The following NRG2 variants were observed in gnomAD, a reference collection of about 807,000 sequenced individuals.
NRG2 encodes neuregulin 2.
NRG2 carries 27 observed loss-of-function variants against 73.9 expected under a neutral mutation model. That is an observed-to-expected ratio of 0.37 (90% CI 0.27 to 0.50). NRG2 has a LOEUF of 0.50. NRG2 is among the 20% of genes least tolerant of loss of function. The probability of loss-of-function intolerance (pLI) is 0.96; values close to 1 mark genes in which losing one functional copy is unlikely to be tolerated. For missense variants in NRG2, 1,126 were observed against 1,210.1 expected (o/e 0.93, Z 1.03); for synonymous variants, 532 against 541.0 (o/e 0.98, Z 0.23).
intron 1 of NRG2, among the ~76,000 whole-genome samples, chr5:139,925,501 A>G (rs1431616081): frequency 6.6e-6 from 1 of 152,224 alleles, no homozygotes; most frequent in African/African-American, 2.4e-5. Flanking sequence ...AAAGGCTCAG[A>G]AGGGGAAGCT....
intron 1 of NRG2, among the ~76,000 whole-genome samples, chr5:139,947,143 A>G (rs1257294764): frequency 6.6e-6 from 1 of 152,170 alleles, no homozygotes; most frequent in Non-Finnish European, 1.5e-5. Flanking sequence ...CAATTCAATG[A>G]TTTTTAAATA....
intron 5 of NRG2, among the ~76,000 whole-genome samples, chr5:139,860,280 G>T (rs777322257): frequency 3.9e-5 from 6 of 152,142 alleles, no homozygotes; most frequent in Non-Finnish European, 5.9e-5. Context: ...GAGCCCCCCT[G>T]CTCCTCCCAG....
chr5:140,004,048 A>G (rs1758700904), intron 1 of NRG2, among the ~76,000 whole-genome samples: 1 of 152,180 alleles, frequency 6.6e-6, no homozygotes, highest in Non-Finnish European at 1.5e-5. Context: ...GTTCTGTAAC[A>G]TGTTAATATT....
At chr5:139,945,091 T>TA (rs772047242) in intron 1 of NRG2, among the ~76,000 whole-genome samples, 49 of 152,160 alleles carry the variant, frequency 3.2e-4, no homozygotes, top group Non-Finnish European at 5.0e-4. Flanking sequence ...GCCCATTTTT[T>TA]AATCGAACTG....
intron 1 of NRG2, among the ~76,000 whole-genome samples, chr5:139,926,464 C>G (rs1752069329): frequency 6.6e-6 from 1 of 152,034 alleles, no homozygotes; most frequent in South Asian, 2.1e-4. Flanking sequence ...GCCAAGGTAG[C>G]CACCCCTTTC....
intron 1 of NRG2, among the ~76,000 whole-genome samples, chr5:139,974,292 T>G (rs1236129624): frequency 6.6e-6 from 1 of 151,288 alleles, no homozygotes; most frequent in South Asian, 2.1e-4. Context: ...GGATCCAAGA[T>G]TTCCCCCTTT....
At chr5:139,914,703 C>G (rs1751118747) in intron 1 of NRG2, among the ~76,000 whole-genome samples, 1 of 152,218 alleles carries the variant, frequency 6.6e-6, no homozygotes, top group Non-Finnish European at 1.5e-5. Flanking sequence ...AGCTGCATTT[C>G]TGCATATTTA....
Position 140,038,005 on chromosome 5 carries a change from A to C in NRG2, c.700+4365T>G, listed in dbSNP as rs571371558. Among the ~76,000 whole-genome samples the C allele has an allele frequency of 2.6e-5, 4 of 152,012 alleles. No individual in the cohort carries two copies. In the East Asian group the frequency reaches 7.7e-4, roughly 29 times the overall value. On this transcript the variant is annotated intron_variant, in intron 1 of 9. Transcript: ENST00000361474. ...ATTATTCCTGAATATTTTACCACAG[A>C]GCCTTAAAGCGGGGTAGCTGAGAAC...
intron 1 of NRG2, among the ~76,000 whole-genome samples, chr5:139,947,704 C>A (rs746322597): frequency 6.6e-6 from 1 of 152,178 alleles, no homozygotes; most frequent in Non-Finnish European, 1.5e-5. Context: ...CACATCCTTG[C>A]CAACATTTAT....
At chr5:139,880,743 G>T in intron 3 of NRG2, 113 bp downstream of exon 3, 3 of 693,658 alleles carry the variant, frequency 4.3e-6, no homozygotes, top group Admixed American at 2.5e-5. Context: ...AGCAGCAGGA[G>T]GGAGGGGAGT....
At chr5:140,009,087 C>G (rs1759154629) in intron 1 of NRG2, among the ~76,000 whole-genome samples, 1 of 152,196 alleles carries the variant, frequency 6.6e-6, no homozygotes, top group African/African-American at 2.4e-5. Context: ...CCTAAAAGAT[C>G]CTGGCAAAAT....
Position 139,851,560 on chromosome 5 carries a change from G to T in NRG2, c.1772+44C>A. The T allele has an allele frequency of 6.3e-7, 1 of 1,582,268 alleles. No individual in the cohort carries two copies. Among genetic ancestry groups the T allele is most frequent in the Non-Finnish European group, 8.7e-7 (1 of 1,153,674 alleles). ...GGTCAGCCTTGGGCCAGTGGTGCCA[G>T]CCCTCTGGCTAAGCGGGGAATAGGT... On this transcript the variant is annotated intron_variant, in intron 9 of 9. Coordinates refer to ENST00000361474, the MANE Select transcript of NRG2 (RefSeq NM_004883.3). The surrounding 1 kb of genome is among the most constrained non-coding windows in gnomAD (Gnocchi z 4.2).
chr5:140,029,038 C>T (rs534196107), intron 1 of NRG2, among the ~76,000 whole-genome samples: 2 of 152,242 alleles, frequency 1.3e-5, no homozygotes, highest in African/African-American at 4.8e-5. Flanking sequence ...ATGACCTTGT[C>T]GCAACTAGTG....
At chr5:139,873,665 G>A (rs1763000162) in intron 3 of NRG2, among the ~76,000 whole-genome samples, 1 of 152,280 alleles carries the variant, frequency 6.6e-6, no homozygotes, top group Non-Finnish European at 1.5e-5. Context: ...GGCTAAGCCA[G>A]AGAAATCTCA....
At chr5:139,885,060 T>G (rs1222135604) in intron 2 of NRG2, among the ~76,000 whole-genome samples, 1 of 151,834 alleles carries the variant, frequency 6.6e-6, no homozygotes, top group Non-Finnish European at 1.5e-5. Context: ...GCCTTCAGAA[T>G]CAGAAATGTC....
chr5:139,966,844 G>GA, intron 1 of NRG2, among the ~76,000 whole-genome samples: 1 of 152,238 alleles, frequency 6.6e-6, no homozygotes. Flanking sequence ...TAAGTGCACA[G>GA]AAAAGCAAGC....
At chr5:139,921,517 G>A (rs779739718) in intron 1 of NRG2, among the ~76,000 whole-genome samples, 5 of 152,062 alleles carry the variant, frequency 3.3e-5, no homozygotes, top group Non-Finnish European at 5.9e-5. Flanking sequence ...TACACCCAGC[G>A]GTGCTGGAAT....
chr5:140,019,045 A>T (rs889353068), intron 1 of NRG2, among the ~76,000 whole-genome samples: 4 of 152,230 alleles, frequency 2.6e-5, no homozygotes, highest in African/African-American at 7.2e-5. Flanking sequence ...AATCACGGGG[A>T]GGTGATAACT....
At chr5:139,967,554 T>A (rs1253116766) in intron 1 of NRG2, among the ~76,000 whole-genome samples, 1 of 152,084 alleles carries the variant, frequency 6.6e-6, no homozygotes, top group Non-Finnish European at 1.5e-5. Context: ...CAGAGACACT[T>A]CTAAGGAGAG....
Sources: gnomAD v4.1 joint callset for allele counts (sites outside exome capture counted in the v4.1 genomes callset) on GRCh38, gnomAD v4.1.1 for gene constraint, Gnocchi (gnomAD v3.1) non-coding constraint, MANE v1.5 for transcripts, NCBI Gene and HGNC (gene_info 2026-07-23, HGNC 2026-07-21) for gene names.